The following TUSC3 variants were observed in gnomAD, a reference collection of about 807,000 sequenced individuals.
The protein encoded by TUSC3 is tumor suppressor candidate 3, also known as dolichyl-diphosphooligosaccharide--protein glycosyltransferase subunit TUSC3.
In TUSC3, 45 loss-of-function variants were observed where a neutral mutation model predicts 44.8. The observed-to-expected ratio is 1.00, with a 90% CI of 0.79 to 1.29. The LOEUF (loss-of-function observed/expected upper bound fraction) is 1.29, where lower values mean the gene tolerates loss of function less well. Among genes scored for constraint, TUSC3 ranks in the 50% most tolerant of loss-of-function variants. The pLI is 0.00. For synonymous variants in TUSC3, 212 were observed against 152.9 expected (o/e 1.39, Z -2.85); for missense variants, 519 against 437.9 (o/e 1.19, Z -1.65).
At chr8:15,421,135 C>A (rs1342910318) in intron 1 of TUSC3, among the ~76,000 whole-genome samples, 1 of 152,150 alleles carries the variant, frequency 6.6e-6, no homozygotes. Context: ...AGTTCTTCCC[C>A]AGAGTATTCC....
chr8:15,749,620 C>G (rs1037369644), intron 9 of TUSC3, among the ~76,000 whole-genome samples: 15 of 151,728 alleles, frequency 9.9e-5, no homozygotes, highest in Middle Eastern at 6.8e-3. Context: ...GAGAGGCAAG[C>G]AGAGTCTTCA....
At chr8:15,803,159 G>A in the TUSC3 span, among the ~76,000 whole-genome samples, 4 of 152,140 alleles carry the variant, frequency 2.6e-5, no homozygotes, top group Admixed American at 2.6e-4. Flanking sequence ...TGAACAGTGA[G>A]GGGTGAGTCA....
intron 2 of TUSC3, 142 bp from the exon 3 acceptor site, chr8:15,650,555 A>T (rs982987222): frequency 4.2e-5 from 28 of 673,644 alleles, no homozygotes; most frequent in Admixed American, 1.0e-4. Context: ...TTTTTTAAAA[A>T]AAAATATTTT....
At chr8:15,842,723 C>G in the TUSC3 span, among the ~76,000 whole-genome samples, 1 of 152,320 alleles carries the variant, frequency 6.6e-6, no homozygotes, top group South Asian at 2.1e-4. Flanking sequence ...GTGATGTAAA[C>G]AAGTCTTCTC....
At chr8:15,760,061 A>G (rs1292240745) in intron 10 of TUSC3, among the ~76,000 whole-genome samples, 1 of 152,102 alleles carries the variant, frequency 6.6e-6, no homozygotes, top group Non-Finnish European at 1.5e-5. Flanking sequence ...TCTAGTCATT[A>G]TCCCCCATAA....
chr8:15,623,544 A>G (rs569668413), intron 2 of TUSC3, among the ~76,000 whole-genome samples: 20 of 152,126 alleles, frequency 1.3e-4, no homozygotes, highest in African/African-American at 4.8e-4. Context: ...AGCTATGGTT[A>G]ATGAAGTAGC....
At chr8:15,501,927 T>C (rs1041032683) in intron 2 of TUSC3, among the ~76,000 whole-genome samples, 1 of 152,230 alleles carries the variant, frequency 6.6e-6, no homozygotes, top group Admixed American at 6.5e-5. Context: ...AGTCTTGATC[T>C]CTGGAAGTAA....
intron 2 of TUSC3, among the ~76,000 whole-genome samples, chr8:15,492,511 C>T (rs991652483): frequency 3.3e-5 from 5 of 152,092 alleles, no homozygotes; most frequent in Admixed American, 1.3e-4. Context: ...TTTAAGACTG[C>T]CCCAAGACTG....
At chr8:15,532,686 G>A (rs189193809) in intron 2 of TUSC3, among the ~76,000 whole-genome samples, 1 of 152,314 alleles carries the variant, frequency 6.6e-6, no homozygotes, top group Non-Finnish European at 1.5e-5. Context: ...AATCTCATCT[G>A]TAGCTCCCAT....
intron 1 of TUSC3, among the ~76,000 whole-genome samples, chr8:15,435,479 A>G (rs187212853): frequency 5.9e-5 from 9 of 152,324 alleles, no homozygotes; most frequent in Admixed American, 5.2e-4. Flanking sequence ...TATTTCAATA[A>G]CATTGATGAT....
intron 6 of TUSC3, among the ~76,000 whole-genome samples, chr8:15,722,896 A>G (rs888226827): frequency 1.2e-4 from 19 of 152,086 alleles, no homozygotes; most frequent in Non-Finnish European, 5.9e-5. Context: ...GAAAGCTTTC[A>G]CAATATTACA....
the TUSC3 span, among the ~76,000 whole-genome samples, chr8:15,837,595 T>C: frequency 1.3e-5 from 2 of 152,288 alleles, no homozygotes; most frequent in African/African-American, 4.8e-5. Context: ...TCTGTGATTT[T>C]TCCCCTTCCA....
chr8:15,732,192 TG>T (rs1364575231), intron 7 of TUSC3, among the ~76,000 whole-genome samples: 2 of 152,156 alleles, frequency 1.3e-5, no homozygotes, highest in East Asian at 3.9e-4. Flanking sequence ...GATTCCTTAG[TG>T]ATATGGTTTG....
At chr8:15,736,864 G>T (rs953404277) in intron 7 of TUSC3, among the ~76,000 whole-genome samples, 1 of 152,098 alleles carries the variant, frequency 6.6e-6, no homozygotes, top group Non-Finnish European at 1.5e-5. Flanking sequence ...CTCTCTGTAT[G>T]AGTGGATATA....
At chr8:15,499,127 T>C (rs934547049) in intron 2 of TUSC3, among the ~76,000 whole-genome samples, 9 of 152,178 alleles carry the variant, frequency 5.9e-5, no homozygotes, top group Non-Finnish European at 1.2e-4. Context: ...ATCATCCTGA[T>C]GCTTTAATTT....
At chr8:15,730,553 A>T in intron 6 of TUSC3, 113 bp from the exon 7 acceptor site, 1 of 1,035,936 alleles carries the variant, frequency 9.7e-7, no homozygotes, top group South Asian at 1.4e-5. Context: ...AAAGTAATAA[A>T]AAATTAGTAA....
the TUSC3 span, among the ~76,000 whole-genome samples, chr8:15,813,978 T>C: frequency 1.3e-5 from 2 of 152,322 alleles, no homozygotes; most frequent in African/African-American, 2.4e-5. Context: ...TTCAAAATGA[T>C]AGCATCTACC....
In TUSC3 at chr8:15,668,227, A is replaced by G. The variant is rs545930075; in HGVS notation, c.709-5520A>G. Among the ~76,000 whole-genome samples, 3 of 151,900 alleles carry G rather than the reference A, an allele frequency of 2.0e-5. No homozygotes were observed. The South Asian group carries it at 6.2e-4, about 31-fold the overall frequency. ...AAAGTTACATGAATAAATAGGTTTA[A>G]GGACATTTTAAGACATGGTTGTTTT... On this transcript the variant is annotated intron_variant, in intron 5 of 10. Transcript: ENST00000503731.
At chr8:15,740,570 G>GAAC (rs1325901051) in intron 7 of TUSC3, among the ~76,000 whole-genome samples, 1 of 151,178 alleles carries the variant, frequency 6.6e-6, no homozygotes, top group African/African-American at 2.4e-5. Context: ...AAAGAGGAAT[G>GAAC]AACATATCAA....
Sources: allele counts gnomAD v4.1 joint callset (sites outside exome capture counted in the v4.1 genomes callset), GRCh38; gene constraint gnomAD v4.1.1; transcripts MANE v1.5; gene names NCBI Gene and HGNC (gene_info 2026-07-23, HGNC 2026-07-21).